ANK3: variants seen among roughly 807,000 people sequenced by gnomAD.
The protein encoded by ANK3 is ankyrin-3.
In ANK3, 57 loss-of-function variants were observed where a neutral mutation model predicts 370.9. That is an observed-to-expected ratio of 0.15 (90% CI 0.12 to 0.19). The LOEUF (loss-of-function observed/expected upper bound fraction) is 0.19, where lower values mean the gene tolerates loss of function less well. Ranked by LOEUF, ANK3 falls within the 10% of genes least tolerant of loss-of-function variation. ANK3 has a pLI of 1.00. For missense variants in ANK3, 4,439 were observed against 5,302.1 expected, an observed-to-expected ratio of 0.84 and a Z score of 5.06; for synonymous variants, 1,929 against 1,946.3, an observed-to-expected ratio of 0.99 and a Z score of 0.23.
chr10:60,226,495 A>ATAT (rs1565819941), intron 8 of ANK3, among the ~76,000 whole-genome samples: 14 of 92,052 alleles, frequency 1.5e-4, no homozygotes, highest in African/African-American at 9.2e-4. Flanking sequence ...ATATACATAT[A>ATAT]CTATAGTATA....
intron 23 of ANK3, among the ~76,000 whole-genome samples, chr10:60,156,343 C>T (rs555448924): frequency 3.3e-5 from 5 of 152,332 alleles, no homozygotes; most frequent in Admixed American, 6.5e-5. Context: ...TCTAGACCCA[C>T]GCTGGACCAG....
At chr10:60,468,992 A>AGT (rs140068743) in intron 2 of ANK3, among the ~76,000 whole-genome samples, 11 of 28,686 alleles carry the variant, frequency 3.8e-4, no homozygotes, top group East Asian at 2.2e-3. Context: ...TACCACTTTT[A>AGT]GTGTGTATAT....
intron 1 of ANK3, among the ~76,000 whole-genome samples, chr10:60,314,502 T>G (rs541199237): frequency 6.6e-6 from 1 of 152,166 alleles, no homozygotes; most frequent in Non-Finnish European, 1.5e-5. Context: ...AGACAGGAAA[T>G]GCAAATGAGG....
chr10:60,290,943 C>A (rs1328113222), intron 1 of ANK3, among the ~76,000 whole-genome samples: 2 of 152,224 alleles, frequency 1.3e-5, no homozygotes, highest in East Asian at 3.9e-4. Context: ...ATAAAACATA[C>A]CCTCATCCAG....
intron 7 of ANK3, among the ~76,000 whole-genome samples, chr10:60,250,574 C>A (rs1236395606): frequency 6.6e-6 from 1 of 152,084 alleles, no homozygotes; most frequent in Admixed American, 6.5e-5. Flanking sequence ...ACCATGTTAG[C>A]CAGGATGGTC....
intron 1 of ANK3, among the ~76,000 whole-genome samples, chr10:60,721,210 A>G (rs1301843494): frequency 1.3e-5 from 2 of 152,238 alleles, no homozygotes; most frequent in Non-Finnish European, 2.9e-5. Flanking sequence ...ACTGACTGTC[A>G]CCATCTGCAG....
intron 8 of ANK3, among the ~76,000 whole-genome samples, chr10:60,221,515 T>C (rs909753581): frequency 1.3e-5 from 2 of 152,242 alleles, no homozygotes; most frequent in African/African-American, 4.8e-5. Context: ...TGGTCAGTCA[T>C]GACTCATCTA....
intron 1 of ANK3, among the ~76,000 whole-genome samples, chr10:60,647,472 T>C (rs367888914): frequency 1.3e-5 from 2 of 152,270 alleles, no homozygotes; most frequent in South Asian, 2.1e-4. Context: ...GACAACTTAA[T>C]TGACGATTTA....
intron 1 of ANK3, among the ~76,000 whole-genome samples, chr10:60,681,677 T>G (rs1273162945): frequency 1.3e-5 from 2 of 152,116 alleles, no homozygotes; most frequent in Non-Finnish European, 2.9e-5. Context: ...AACCGTAAAT[T>G]CCACAAAGAC....
At chr10:60,217,442 A>T (rs1369965496) in intron 8 of ANK3, among the ~76,000 whole-genome samples, 1 of 152,104 alleles carries the variant, frequency 6.6e-6, no homozygotes, top group Non-Finnish European at 1.5e-5. Flanking sequence ...CCTCCTAGAG[A>T]TTCTGGTACA....
At chr10:60,699,436 T>A (rs1225271442) in intron 1 of ANK3, among the ~76,000 whole-genome samples, 1 of 152,120 alleles carries the variant, frequency 6.6e-6, no homozygotes, top group African/African-American at 2.4e-5. Context: ...ATTTTACTTT[T>A]TAAAAACATA....
chr10:60,427,326 C>A (rs914168739), intron 2 of ANK3, among the ~76,000 whole-genome samples: 1 of 151,938 alleles, frequency 6.6e-6, no homozygotes, highest in Non-Finnish European at 1.5e-5. Flanking sequence ...ACTGACATAT[C>A]CTGACTCTGA....
Position 60,594,946 on chromosome 10 carries a change from C to T in ANK3, c.96+20240G>A, listed in dbSNP as rs557794825. On this transcript the variant is annotated intron_variant, in intron 2 of 43. Coordinates refer to the ANK3 transcript ENST00000373827. ...ATTAGCAATTTCAGGCTGATTCTGG[C>T]TTAATGGGATCCTTTAGATTACTGC... 9.2e-5 allele frequency among the ~76,000 whole-genome samples: 14 copies of T among 152,186 alleles called. No individual in the cohort carries two copies. In the Middle Eastern group the frequency reaches 0.014, roughly 148 times the overall value.
rs1431525274 is a variant in ANK3 at position 60,642,382 on chromosome 10, C to T, written c.58-27158G>A. On this transcript the variant is annotated intron_variant, in intron 1 of 43. Coordinates refer to the ANK3 transcript ENST00000373827. ...CAATAGCAAAGACTTGGAACCAACC[C>T]AAATGTCCAACAATGATAGACTGGA... 5.3e-5 allele frequency among the ~76,000 whole-genome samples: 8 copies of T among 151,756 alleles called. No homozygotes were observed. The East Asian group carries it at 1.4e-3, about 26-fold the overall frequency.
intron 1 of ANK3, among the ~76,000 whole-genome samples, chr10:60,662,054 G>A (rs1432775620): frequency 6.6e-6 from 1 of 152,054 alleles, no homozygotes; most frequent in East Asian, 1.9e-4. Context: ...TTTTAAATTA[G>A]ATCAGTTAGA....
chr10:60,156,860 A>G (rs2095344813), intron 23 of ANK3, among the ~76,000 whole-genome samples: 1 of 152,142 alleles, frequency 6.6e-6, no homozygotes. Context: ...TGGAATAAAT[A>G]CCTAACTCTT....
At chr10:60,427,140 T>C (rs1237674631) in intron 2 of ANK3, among the ~76,000 whole-genome samples, 1 of 152,172 alleles carries the variant, frequency 6.6e-6, no homozygotes, top group African/African-American at 2.4e-5. Flanking sequence ...GTCAGAGCAA[T>C]ATTTATACCC....
intron 25 of ANK3, among the ~76,000 whole-genome samples, chr10:60,124,149 C>A (rs929836118): frequency 2.6e-5 from 4 of 151,940 alleles, no homozygotes; most frequent in African/African-American, 7.2e-5. Flanking sequence ...ATCTCATACC[C>A]CTAGATATTT....
intron 1 of ANK3, among the ~76,000 whole-genome samples, chr10:60,714,341 C>A (rs2079752331): frequency 1.3e-5 from 2 of 152,106 alleles, no homozygotes; most frequent in South Asian, 4.2e-4. Context: ...TAGTTTTCTA[C>A]AATCTTTTCC....
Sources: gnomAD v4.1 joint callset for allele counts (sites outside exome capture counted in the v4.1 genomes callset) on GRCh38, gnomAD v4.1.1 for gene constraint, MANE v1.5 for transcripts, NCBI Gene and HGNC (gene_info 2026-07-23, HGNC 2026-07-21) for gene names.